Variants in CCDC12 observed in about 807,000 individuals in gnomAD.
CCDC12 encodes the protein coiled-coil domain-containing protein 12.
CCDC12 carries 28 observed loss-of-function variants against 25.7 expected under a neutral mutation model. The ratio of observed to expected loss-of-function variants is 1.09; its 90% CI spans 0.81 to 1.50. CCDC12 has a LOEUF of 1.50. Among genes scored for constraint, CCDC12 ranks in the 40% most tolerant of loss-of-function variants. The probability of loss-of-function intolerance (pLI) is 0.00; values close to 1 mark genes in which losing one functional copy is unlikely to be tolerated. For missense variants in CCDC12, 198 were observed against 210.0 expected (o/e 0.94, Z 0.35); for synonymous variants, 75 against 87.7 (o/e 0.86, Z 0.81).
intron 1 of CCDC12, among the ~76,000 whole-genome samples, chr3:46,958,177 C>T (rs1056874975): frequency 6.6e-6 from 1 of 152,094 alleles, no homozygotes; most frequent in African/African-American, 2.4e-5. Flanking sequence ...AGAAACTCCC[C>T]AGGCCTCCAC....
chr3:46,950,572 G>A (rs2034079533), intron 1 of CCDC12, among the ~76,000 whole-genome samples: 1 of 151,864 alleles, frequency 6.6e-6, no homozygotes, highest in South Asian at 2.1e-4. Flanking sequence ...TCCTGCCTTG[G>A]CCTCCCAAAG....
At chr3:46,949,399 A>G (rs2034028095) in intron 1 of CCDC12, among the ~76,000 whole-genome samples, 1 of 152,210 alleles carries the variant, frequency 6.6e-6, no homozygotes, top group Non-Finnish European at 1.5e-5. Flanking sequence ...AAGGTCACAC[A>G]GAGGGCAGGG....
At chr3:46,963,701 G>A (rs1209516559) in intron 1 of CCDC12, among the ~76,000 whole-genome samples, 7 of 152,246 alleles carry the variant, frequency 4.6e-5, no homozygotes, top group South Asian at 2.1e-4. Context: ...CGAGTGATCC[G>A]CCAGCCTCGG....
upstream of CCDC12, among the ~76,000 whole-genome samples, chr3:46,980,598 G>A: frequency 6.6e-6 from 1 of 151,974 alleles, no homozygotes; most frequent in South Asian, 2.1e-4. Flanking sequence ...GGGTCCTTGA[G>A]GCCCTGAGGG....
At chr3:46,925,289 C>T (rs139134310) in intron 3 of CCDC12, 167 bp downstream of exon 3, 24 of 720,614 alleles carry the variant, frequency 3.3e-5, no homozygotes, top group Admixed American at 6.0e-5. Context: ...CTGCTGCTGC[C>T]GAAGGCCGAC....
At chr3:46,964,404 G>C (rs975280590) in intron 1 of CCDC12, among the ~76,000 whole-genome samples, 1 of 152,096 alleles carries the variant, frequency 6.6e-6, no homozygotes. Flanking sequence ...CGCCCCTTCT[G>C]GGAAGTGAGG....
intron 2 of CCDC12, among the ~76,000 whole-genome samples, chr3:46,930,806 T>C (rs1262260005): frequency 6.6e-6 from 1 of 152,232 alleles, no homozygotes; most frequent in Admixed American, 6.5e-5. Flanking sequence ...CTACTCACCC[T>C]GAGGCACAGT....
chr3:46,947,309 C>A (rs374017285), intron 1 of CCDC12, among the ~76,000 whole-genome samples: 7 of 152,290 alleles, frequency 4.6e-5, no homozygotes, highest in African/African-American at 1.7e-4. Context: ...AATGCTGGGG[C>A]AAACTTGGCA....
At chr3:46,941,463 G>A (rs943879891) in intron 1 of CCDC12, among the ~76,000 whole-genome samples, 1 of 152,066 alleles carries the variant, frequency 6.6e-6, no homozygotes, top group Non-Finnish European at 1.5e-5. Context: ...TATTCGGGAG[G>A]CTGAGGCAGG....
intron 1 of CCDC12, among the ~76,000 whole-genome samples, chr3:46,960,123 G>T (rs2034418744): frequency 6.6e-6 from 1 of 152,172 alleles, no homozygotes; most frequent in Non-Finnish European, 1.5e-5. Flanking sequence ...GCAGTATACA[G>T]TATTATACCT....
intron 1 of CCDC12, among the ~76,000 whole-genome samples, chr3:46,952,232 C>A (rs578245587): frequency 8.7e-4 from 133 of 152,264 alleles, no homozygotes; most frequent in Middle Eastern, 3.4e-3. Flanking sequence ...GCAGAAGGCA[C>A]ATGCTAACTT....
chr3:46,976,838 G>T (rs2035013060), upstream of CCDC12: 6 of 1,516,642 alleles, frequency 4.0e-6, no homozygotes, highest in Admixed American at 1.2e-4. Context: ...GAGAGACTGG[G>T]AGGTCCTGAA....
intron 1 of CCDC12, among the ~76,000 whole-genome samples, chr3:46,945,351 T>C (rs1398519791): frequency 6.6e-6 from 1 of 152,204 alleles, no homozygotes; most frequent in African/African-American, 2.4e-5. Flanking sequence ...GCCCTCCCCA[T>C]AGCCTATCTG....
At chr3:46,931,478 C>A (rs1180488360) in intron 2 of CCDC12, among the ~76,000 whole-genome samples, 1 of 152,244 alleles carries the variant, frequency 6.6e-6, no homozygotes, top group African/African-American at 2.4e-5. Context: ...GCCTACACTG[C>A]TCATGGGGGT....
chr3:46,979,894 G>A (rs1262620756), upstream of CCDC12: 1 of 464,720 alleles, frequency 2.2e-6, no homozygotes, highest in Admixed American at 3.3e-5. Context: ...ACGAGTTGTG[G>A]CTGCTCTACT....
chr3:46,941,878 A>C (rs1245783006), intron 1 of CCDC12, among the ~76,000 whole-genome samples: 2 of 152,232 alleles, frequency 1.3e-5, no homozygotes, highest in Non-Finnish European at 2.9e-5. Context: ...TCGCTTTAGA[A>C]GTAACATGAA....
At chr3:46,979,003 G>A (rs540216422), upstream of CCDC12, among the ~76,000 whole-genome samples, 1 of 152,170 alleles carries the variant, frequency 6.6e-6, no homozygotes, top group East Asian at 1.9e-4. Context: ...AAAAAACAGA[G>A]CCATGAGGCA....
At chr3:46,970,936 C>T (rs373855091) in intron 1 of CCDC12, among the ~76,000 whole-genome samples, 26 of 152,178 alleles carry the variant, frequency 1.7e-4, no homozygotes, top group African/African-American at 6.3e-4. Context: ...GAAAAGTGTG[C>T]CCAGGCTGGC....
chr3:46,935,875 T>C (rs1421720233), intron 2 of CCDC12, among the ~76,000 whole-genome samples: 2 of 152,228 alleles, frequency 1.3e-5, no homozygotes, highest in Non-Finnish European at 2.9e-5. Context: ...GGAATCTGGA[T>C]CTATAGATTC....
Sources: gnomAD v4.1 joint callset for allele counts (sites outside exome capture counted in the v4.1 genomes callset) on GRCh38, gnomAD v4.1.1 for gene constraint, MANE v1.5 for transcripts, NCBI Gene and HGNC (gene_info 2026-07-23, HGNC 2026-07-21) for gene names.